DCDC1: variants seen among roughly 807,000 people sequenced by gnomAD.
DCDC1 encodes the protein doublecortin domain containing 1, also known as doublecortin domain-containing protein 1.
Under a neutral mutation model 178.3 loss-of-function variants are expected in DCDC1, and 200 were observed. That is an observed-to-expected ratio of 1.12 (90% CI 1.00 to 1.26). DCDC1 has a LOEUF of 1.26. Among genes scored for constraint, DCDC1 ranks in the 50% most tolerant of loss-of-function variants. The pLI is 0.00. For missense variants in DCDC1, 1,983 were observed against 1,749.2 expected (o/e 1.13, Z -2.38); for synonymous variants, 690 against 604.8 (o/e 1.14, Z -2.07).
At chr11:31,277,600 A>T (rs1946089035) in intron 7 of DCDC1, among the ~76,000 whole-genome samples, 1 of 152,118 alleles carries the variant, frequency 6.6e-6, no homozygotes, top group South Asian at 2.1e-4. Context: ...AGTCTTTTAA[A>T]TATTAGTCAT....
chr11:30,926,719 A>G (rs918268425), intron 22 of DCDC1, among the ~76,000 whole-genome samples: 1 of 152,218 alleles, frequency 6.6e-6, no homozygotes, highest in Non-Finnish European at 1.5e-5. Context: ...TTTATAAAGA[A>G]TGTTTCTAAA....
In DCDC1 at chr11:31,102,170, A is replaced by T; in HGVS notation, c.1983+7T>A. The T allele has an allele frequency of 1.5e-6, 1 of 688,226 alleles. No homozygotes were observed. Among genetic ancestry groups the T allele is most frequent in the Non-Finnish European group, 2.7e-6 (1 of 371,412 alleles). 42.6% of individuals were successfully genotyped at this position (688,226 alleles called of 1,614,324 possible). A position where few individuals can be genotyped will look rare whatever the true frequency, so the allele number is the denominator to read the frequency against. ...CACCTTTTAAAGTACAATAACTAAA[A>T]TCCCACCTTGTTCTGTAGAAAATGG... On this transcript the variant is annotated splice_region_variant and intron_variant, in intron 15 of 38. Transcript: ENST00000684477.
chr11:30,907,570 C>A (rs556232951), intron 29 of DCDC1, among the ~76,000 whole-genome samples: 50 of 152,246 alleles, frequency 3.3e-4, no homozygotes, highest in African/African-American at 1.1e-3. Context: ...CATTGGAACC[C>A]CGAGACCACA....
chr11:30,875,814 C>T (rs1257828808), intron 38 of DCDC1, among the ~76,000 whole-genome samples: 1 of 152,132 alleles, frequency 6.6e-6, no homozygotes, highest in African/African-American at 2.4e-5. Context: ...TATTGCCCTT[C>T]AAAGCTACCT....
intron 1 of DCDC1, among the ~76,000 whole-genome samples, chr11:31,351,965 T>C (rs1016272164): frequency 4.6e-5 from 7 of 152,136 alleles, no homozygotes; most frequent in African/African-American, 1.7e-4. Context: ...CCACAAGCCA[T>C]TATGTGAAGC....
chr11:31,101,945 C>T (rs778072051), intron 15 of DCDC1, among the ~76,000 whole-genome samples: 1 of 151,932 alleles, frequency 6.6e-6, no homozygotes, highest in Non-Finnish European at 1.5e-5. Flanking sequence ...GGCATGGTGG[C>T]GCGTGCCTGT....
At chr11:31,287,653 C>A (rs970033924) in intron 7 of DCDC1, among the ~76,000 whole-genome samples, 2 of 151,858 alleles carry the variant, frequency 1.3e-5, no homozygotes, top group African/African-American at 4.8e-5. Flanking sequence ...ATCAATGGAG[C>A]AATACTATTA....
chr11:30,985,897 A>G (rs765435310), intron 20 of DCDC1, among the ~76,000 whole-genome samples: 1 of 152,202 alleles, frequency 6.6e-6, no homozygotes, highest in South Asian at 2.1e-4. Context: ...TTATGAAACA[A>G]TATATTAAAA....
chr11:30,962,234 T>C (rs158585), intron 20 of DCDC1, among the ~76,000 whole-genome samples: 15,194 of 152,132 alleles, frequency 0.1, 951 homozygotes, highest in Admixed American at 0.19. Context: ...TTAAACATTA[T>C]TCTACTTTAT....
At chr11:30,878,511 A>G in intron 38 of DCDC1, 33 bp downstream of exon 38, 1 of 1,443,038 alleles carries the variant, frequency 6.9e-7, no homozygotes, top group Non-Finnish European at 9.2e-7. Flanking sequence ...TCATAATGTC[A>G]TAACAAACAT....
At chr11:31,165,485 T>C (rs996642102) in intron 9 of DCDC1, among the ~76,000 whole-genome samples, 1 of 152,150 alleles carries the variant, frequency 6.6e-6, no homozygotes, top group Non-Finnish European at 1.5e-5. Context: ...CTAATTTTTT[T>C]ATTTTTGTAG....
In DCDC1 at chr11:31,217,930, T is replaced by C. The variant is rs571214779; in HGVS notation, c.1221+23520A>G. Among the ~76,000 whole-genome samples the C allele has an allele frequency of 3.3e-5, 5 of 152,288 alleles. No homozygotes were observed. In the South Asian group the frequency reaches 8.3e-4, roughly 25 times the overall value. ...CTCTGCCCATGTCTCCCAACAAAGATAGTGTGTCCAATCTGTTTTGGCTAT... is the reference window on the plus strand; with the variant it reads ...CTCTGCCCATGTCTCCCAACAAAGACAGTGTGTCCAATCTGTTTTGGCTAT... On this transcript the variant is annotated intron_variant, in intron 9 of 38. Transcript: ENST00000684477.
At chr11:31,064,392 A>C in intron 20 of DCDC1, 77 bp downstream of exon 20, 2 of 656,404 alleles carry the variant, frequency 3.0e-6, no homozygotes, top group Non-Finnish European at 5.6e-6. Flanking sequence ...TATCTTCAAG[A>C]AATCAATCTT....
intron 9 of DCDC1, among the ~76,000 whole-genome samples, chr11:31,206,644 A>C (rs531882946): frequency 6.6e-6 from 1 of 152,144 alleles, no homozygotes; most frequent in Non-Finnish European, 1.5e-5. Flanking sequence ...TGAACTCCTG[A>C]CCTTGTGATC....
At chr11:31,167,360 G>T (rs1966845617) in intron 9 of DCDC1, among the ~76,000 whole-genome samples, 1 of 152,086 alleles carries the variant, frequency 6.6e-6, no homozygotes, top group Admixed American at 6.5e-5. Flanking sequence ...TCACCCTTAA[G>T]AATTTTAATA....
At chr11:31,295,497 C>A (rs968672116) in intron 6 of DCDC1, among the ~76,000 whole-genome samples, 1 of 152,100 alleles carries the variant, frequency 6.6e-6, no homozygotes, top group Non-Finnish European at 1.5e-5. Flanking sequence ...GAAACCTAGT[C>A]AGGAAATGCC....
chr11:31,290,304 A>T (rs1947131030), intron 7 of DCDC1, among the ~76,000 whole-genome samples: 1 of 152,076 alleles, frequency 6.6e-6, no homozygotes, highest in African/African-American at 2.4e-5. Context: ...ACTGGAAGCT[A>T]GCTTAGACTG....
At chr11:31,152,791 T>C (rs1042013525) in intron 9 of DCDC1, among the ~76,000 whole-genome samples, 2 of 152,344 alleles carry the variant, frequency 1.3e-5, no homozygotes, top group Admixed American at 6.5e-5. Context: ...ACAACAATCA[T>C]GGCAAACCAT....
At chr11:30,995,408 G>A (rs1951207757) in intron 20 of DCDC1, among the ~76,000 whole-genome samples, 1 of 152,054 alleles carries the variant, frequency 6.6e-6, no homozygotes, top group Admixed American at 6.6e-5. Context: ...TCGACAAGCT[G>A]GTTCTAAAAG....
Sources: gnomAD v4.1 joint callset for allele counts (sites outside exome capture counted in the v4.1 genomes callset) on GRCh38, gnomAD v4.1.1 for gene constraint, MANE v1.5 for transcripts, NCBI Gene and HGNC (gene_info 2026-07-23, HGNC 2026-07-21) for gene names.